Variants in GTF2F2 observed in about 807,000 individuals in gnomAD.
The protein encoded by GTF2F2 is general transcription factor IIF subunit 2.
GTF2F2 carries 23 observed loss-of-function variants against 42.2 expected under a neutral mutation model. That is an observed-to-expected ratio of 0.55 (90% CI 0.39 to 0.77). The LOEUF is 0.77. Ranked by LOEUF, GTF2F2 falls within the 30% of genes least tolerant of loss-of-function variation. The pLI is 0.00. For synonymous variants in GTF2F2, 105 were observed against 100.8 expected (o/e 1.04, Z -0.25); for missense variants, 261 against 287.2 (o/e 0.91, Z 0.66).
intron 4 of GTF2F2, among the ~76,000 whole-genome samples, chr13:45,203,483 T>C (rs1332806150): frequency 6.6e-6 from 1 of 152,210 alleles, no homozygotes; most frequent in Admixed American, 6.5e-5. Flanking sequence ...TCTAGACTCC[T>C]GTGCTTCCCT....
At chr13:45,164,564 C>G (rs906528435) in intron 4 of GTF2F2, among the ~76,000 whole-genome samples, 2 of 152,100 alleles carry the variant, frequency 1.3e-5, no homozygotes, top group African/African-American at 4.8e-5. Context: ...GAAACCCTAT[C>G]TCCACAAAAG....
At chr13:45,193,672 A>T (rs1872744749) in intron 4 of GTF2F2, 1 of 895,456 alleles carries the variant, frequency 1.1e-6, no homozygotes, top group Non-Finnish European at 1.7e-6. Flanking sequence ...ATTGATTAGT[A>T]GCAGGGCTCT....
At chr13:45,258,869 AT>A (rs1876210069) in intron 6 of GTF2F2, among the ~76,000 whole-genome samples, 1 of 152,232 alleles carries the variant, frequency 6.6e-6, no homozygotes. Context: ...AATCAAAGTT[AT>A]AGAGTCAGCT....
chr13:45,132,987 C>T (rs1458623162), intron 1 of GTF2F2, among the ~76,000 whole-genome samples: 5 of 151,788 alleles, frequency 3.3e-5, no homozygotes, highest in Non-Finnish European at 5.9e-5. Context: ...CTAGCGTGAT[C>T]GAGAGCTTTC....
intron 1 of GTF2F2, among the ~76,000 whole-genome samples, chr13:45,122,593 C>T (rs771154141): frequency 5.9e-5 from 9 of 151,868 alleles, no homozygotes; most frequent in Non-Finnish European, 1.2e-4. Flanking sequence ...GAGATTGCTC[C>T]GTTGCACTCC....
chr13:45,199,061 A>G (rs925928284), intron 4 of GTF2F2, among the ~76,000 whole-genome samples: 1 of 152,234 alleles, frequency 6.6e-6, no homozygotes, highest in Non-Finnish European at 1.5e-5. Context: ...CAGCCACTTT[A>G]TGTAACTGAT....
At chr13:45,254,783 G>A (rs1876031233) in intron 6 of GTF2F2, among the ~76,000 whole-genome samples, 1 of 152,200 alleles carries the variant, frequency 6.6e-6, no homozygotes, top group Admixed American at 6.5e-5. Flanking sequence ...CCTAAGTTAA[G>A]TCAAATAGCA....
At chr13:45,221,746 T>TTAAAAAAAA (rs1874127810) in intron 5 of GTF2F2, among the ~76,000 whole-genome samples, 1 of 152,156 alleles carries the variant, frequency 6.6e-6, no homozygotes, top group African/African-American at 2.4e-5. Context: ...AAATAAAATG[T>TTAAAAAAAA]ACAAATCCTG....
chr13:45,132,878 GA>G (rs1783302999), intron 1 of GTF2F2, among the ~76,000 whole-genome samples: 2 of 151,980 alleles, frequency 1.3e-5, no homozygotes, highest in Non-Finnish European at 1.5e-5. Flanking sequence ...GAATAATCAG[GA>G]GTGAGGGACT....
intron 4 of GTF2F2, among the ~76,000 whole-genome samples, chr13:45,173,765 C>A (rs768098088): frequency 1.3e-5 from 2 of 151,526 alleles, no homozygotes; most frequent in Non-Finnish European, 2.9e-5. Context: ...CTACAGGCGC[C>A]CGCTACCACG....
intron 4 of GTF2F2, among the ~76,000 whole-genome samples, chr13:45,163,961 C>G (rs1159395162): frequency 6.6e-6 from 1 of 152,132 alleles, no homozygotes; most frequent in Non-Finnish European, 1.5e-5. Flanking sequence ...TGAGATCAGC[C>G]TGGCTGACCT....
chr13:45,149,040 CT>C (rs1310702579), intron 2 of GTF2F2, among the ~76,000 whole-genome samples: 1 of 152,048 alleles, frequency 6.6e-6, no homozygotes, highest in Non-Finnish European at 1.5e-5. Context: ...AATGAAACCT[CT>C]TCAGCTAGAT....
At chr13:45,244,824 C>T (rs1875505190) in intron 5 of GTF2F2, among the ~76,000 whole-genome samples, 1 of 152,194 alleles carries the variant, frequency 6.6e-6, no homozygotes, top group African/African-American at 2.4e-5. Context: ...ATGTGAGCCA[C>T]CATGCCTGGC....
intron 2 of GTF2F2, among the ~76,000 whole-genome samples, chr13:45,141,449 C>T (rs1192085013): frequency 6.6e-6 from 1 of 152,102 alleles, no homozygotes; most frequent in Non-Finnish European, 1.5e-5. Flanking sequence ...TATGTGTTTC[C>T]CTATGCAATT....
At chr13:45,173,894 G>A (rs2138147640) in intron 4 of GTF2F2, among the ~76,000 whole-genome samples, 1 of 152,254 alleles carries the variant, frequency 6.6e-6, no homozygotes, top group Non-Finnish European at 1.5e-5. Context: ...TGGGATTACA[G>A]GCGTGAGTCA....
chr13:45,220,141 C>T (rs1874048854), intron 5 of GTF2F2, among the ~76,000 whole-genome samples: 1 of 152,198 alleles, frequency 6.6e-6, no homozygotes, highest in Admixed American at 6.5e-5. Context: ...GAATGAAAAG[C>T]ATGTGATTTG....
chr13:45,182,193 C>T (rs1323866606), intron 4 of GTF2F2, among the ~76,000 whole-genome samples: 6 of 152,094 alleles, frequency 3.9e-5, no homozygotes, highest in Non-Finnish European at 8.8e-5. Flanking sequence ...CTCTGTTGCC[C>T]AGGCTGGAGT....
intron 4 of GTF2F2, among the ~76,000 whole-genome samples, chr13:45,177,493 A>G (rs1219672208): frequency 6.6e-6 from 1 of 152,118 alleles, no homozygotes; most frequent in Admixed American, 6.5e-5. Flanking sequence ...TGGGATGTGA[A>G]TCCTCCCTTT....
At chr13:45,157,718 G>A (rs547409337) in intron 4 of GTF2F2, among the ~76,000 whole-genome samples, 7 of 152,044 alleles carry the variant, frequency 4.6e-5, no homozygotes, top group Non-Finnish European at 1.0e-4. Flanking sequence ...AACTACAGTC[G>A]CATGCCACCA....
Sources: gnomAD v4.1 joint callset for allele counts (sites outside exome capture counted in the v4.1 genomes callset) on GRCh38, gnomAD v4.1.1 for gene constraint, MANE v1.5 for transcripts, NCBI Gene and HGNC (gene_info 2026-07-23, HGNC 2026-07-21) for gene names.